Variants in MCPH1 observed in about 807,000 individuals in gnomAD.
MCPH1 encodes the protein microcephalin 1, also known as microcephalin.
MCPH1 carries 104 observed loss-of-function variants against 84.5 expected under a neutral mutation model. The observed-to-expected ratio is 1.23, with a 90% CI of 1.05 to 1.45. MCPH1 has a LOEUF of 1.45. Ranked by LOEUF, MCPH1 falls within the 40% of genes most tolerant of loss-of-function variation. The pLI is 0.00. For missense variants in MCPH1, 1,498 were observed against 1,005.7 expected (o/e 1.49, Z -6.62); for synonymous variants, 514 against 366.8 (o/e 1.40, Z -4.58).
At position 6,647,683 on chromosome 8, in the gene MCPH1, C is replaced by T. The variant is rs930124219; in HGVS notation, c.*4634C>T. On this transcript the variant is annotated 3_prime_UTR_variant, in exon 14 of 14. Coordinates refer to ENST00000344683, the MANE Select transcript of MCPH1 (RefSeq NM_024596.5). ...CAAAAGACTACAAATTGTAAGATTC[C>T]ATTTAGATACCATTTCTACAAACCG... 2 of 152,152 alleles carry T rather than the reference C, an allele frequency of 1.3e-5. No homozygotes were observed. The highest frequency in any genetic ancestry group is 6.5e-5 in the Admixed American group (1 of 15,276). 9.4% of individuals were successfully genotyped at this position (152,152 alleles called of 1,614,324 possible).
intron 12 of MCPH1, chr8:6,508,923 C>G: frequency 6.2e-7 from 1 of 1,614,096 alleles, no homozygotes. Context: ...GACAGAAAGT[C>G]ATCCCTACCT....
rs1212331797 is a variant in MCPH1 at position 6,625,429 on chromosome 8, A to G, written c.2452+3738A>G. ...CTCCCGTTCATTTCCATTATAACAAATGCTTCTCTGGACAATGTTTCATTC... is the reference window on the plus strand; with the variant it reads ...CTCCCGTTCATTTCCATTATAACAAGTGCTTCTCTGGACAATGTTTCATTC... On this transcript the variant is annotated intron_variant, in intron 13 of 13. Transcript: ENST00000344683. 5.1e-6 allele frequency: 5 copies of G among 985,298 alleles called. No individual in the cohort carries two copies. In the African/African-American group the frequency reaches 7.0e-5, roughly 14 times the overall value. The allele number at this position is 985,298 out of a possible 1,614,324, so 61.0% of individuals were successfully genotyped here.
At chr8:6,568,914 C>T (rs868243484) in intron 12 of MCPH1, among the ~76,000 whole-genome samples, 5 of 152,170 alleles carry the variant, frequency 3.3e-5, no homozygotes, top group South Asian at 2.1e-4. Context: ...TGAGGAACTT[C>T]CACGGCTGAA....
intron 12 of MCPH1, among the ~76,000 whole-genome samples, chr8:6,587,244 C>T (rs1162355880): frequency 6.6e-6 from 1 of 152,068 alleles, no homozygotes; most frequent in Non-Finnish European, 1.5e-5. Flanking sequence ...AAATACAGAG[C>T]CCTCTCTCTG....
intron 9 of MCPH1, among the ~76,000 whole-genome samples, chr8:6,465,924 G>GATGCATCCATCCATCCATCCATCC (rs368134296): frequency 9.0e-4 from 133 of 148,244 alleles, no homozygotes; most frequent in Admixed American, 1.9e-3. Flanking sequence ...TTTATCTATC[G>GATGCATCCATCCATCCATCCATCC]ATCCATCCAT....
intron 11 of MCPH1, among the ~76,000 whole-genome samples, chr8:6,493,651 G>A (rs978203103): frequency 1.3e-5 from 2 of 152,130 alleles, no homozygotes; most frequent in Non-Finnish European, 2.9e-5. Flanking sequence ...CTGGTTCAGT[G>A]GGTCTGGGTC....
intron 9 of MCPH1, among the ~76,000 whole-genome samples, chr8:6,459,445 A>G (rs924969816): frequency 2.0e-5 from 3 of 152,190 alleles, no homozygotes; most frequent in Non-Finnish European, 4.4e-5. Flanking sequence ...TTTATGTATA[A>G]GGACATATTA....
intron 12 of MCPH1, among the ~76,000 whole-genome samples, chr8:6,538,778 T>C (rs1450587060): frequency 6.6e-6 from 1 of 152,136 alleles, no homozygotes; most frequent in Non-Finnish European, 1.5e-5. Context: ...TGGTGAAGAG[T>C]GAACAGAATC....
At chr8:6,539,667 A>T (rs890204677) in intron 12 of MCPH1, among the ~76,000 whole-genome samples, 1 of 151,968 alleles carries the variant, frequency 6.6e-6, no homozygotes, top group Non-Finnish European at 1.5e-5. Flanking sequence ...GCTCACTGCA[A>T]CCTCTGCCTC....
rs191634476 is a variant in MCPH1 at position 6,626,133 on chromosome 8, T to C, written c.2452+4442T>C. ...TAAAAATTGTTAGTGATTATTTTAC[T>C]TGTAAGAATTTCTTTCGACCTCAGC... On this transcript the variant is annotated intron_variant, in intron 13 of 13. Transcript: ENST00000344683. The C allele has an allele frequency of 4.1e-5, 40 of 985,400 alleles. No homozygotes were observed. The African/African-American group carries it at 6.8e-4, about 17-fold the overall frequency. The allele number at this position is 985,400 out of a possible 1,614,324, so 61.0% of individuals were successfully genotyped here.
chr8:6,531,593 C>G (rs1201692793), intron 12 of MCPH1, among the ~76,000 whole-genome samples: 1 of 152,156 alleles, frequency 6.6e-6, no homozygotes, highest in Admixed American at 6.5e-5. Context: ...CGCCTGGCCA[C>G]TAGTTGACTA....
chr8:6,490,334 C>G (rs80105105), intron 11 of MCPH1, among the ~76,000 whole-genome samples: 2,196 of 152,294 alleles, frequency 0.014, 52 homozygotes, highest in African/African-American at 0.05. Flanking sequence ...TCTGTCACTT[C>G]AAAAACTGTC....
intron 8 of MCPH1, chr8:6,447,227 C>G (rs937033844): frequency 1.0e-6 from 1 of 985,314 alleles, no homozygotes; most frequent in African/African-American, 1.7e-5. Flanking sequence ...CCCCCTGGGA[C>G]TCAGGTGAAC....
In MCPH1 at chr8:6,409,303, G is replaced by T. The variant is rs1208397118; in HGVS notation, c.47G>T (p.Trp16Leu). 1 of 1,613,908 alleles carries T rather than the reference G, an allele frequency of 6.2e-7. No homozygotes were observed. Among genetic ancestry groups the T allele is most frequent in the Admixed American group, 1.7e-5 (1 of 60,012 alleles). Reference protein sequence around the residue: ...LKDVVAYVEVWSSNGTENYSK... With the variant: ...LKDVVAYVEVLSSNGTENYSK... ...GATGTAGTGGCCTATGTTGAAGTGT[G>T]GTCATCCAATGGAACAGAAAATTAT... The change falls in exon 2 of 14, where the codon TGG (tryptophan) becomes TTG (leucine). Residue 16 changes from tryptophan to leucine, a missense_variant. Coordinates refer to ENST00000344683, the MANE Select transcript of MCPH1 (RefSeq NM_024596.5).
At chr8:6,578,809 CGCA>C (rs1158132100) in intron 12 of MCPH1, among the ~76,000 whole-genome samples, 2 of 152,168 alleles carry the variant, frequency 1.3e-5, no homozygotes, top group African/African-American at 4.8e-5. Context: ...GGCTCAGACT[CGCA>C]CGTGGTTCTC....
chr8:6,493,441 G>A (rs989231732), intron 11 of MCPH1, among the ~76,000 whole-genome samples: 45 of 152,174 alleles, frequency 3.0e-4, no homozygotes, highest in African/African-American at 9.2e-4. Context: ...AGTCTCTATC[G>A]GTCAATGTCT....
chr8:6,641,859 A>G (rs940777413), intron 13 of MCPH1, among the ~76,000 whole-genome samples: 2 of 152,228 alleles, frequency 1.3e-5, no homozygotes, highest in South Asian at 2.1e-4. Context: ...GTTTTTAACT[A>G]TATCATTTCT....
intron 12 of MCPH1, among the ~76,000 whole-genome samples, chr8:6,555,709 C>T (rs772370355): frequency 3.3e-5 from 5 of 152,152 alleles, no homozygotes; most frequent in Admixed American, 2.6e-4. Context: ...GCGACCCACC[C>T]GCTTCGGCCT....
At chr8:6,489,605 C>G (rs961338394) in intron 11 of MCPH1, among the ~76,000 whole-genome samples, 6 of 152,188 alleles carry the variant, frequency 3.9e-5, no homozygotes, top group African/African-American at 7.2e-5. Flanking sequence ...GTGCGATTTG[C>G]TGAGTTAGGG....
Sources: gnomAD v4.1 joint callset for allele counts (sites outside exome capture counted in the v4.1 genomes callset) on GRCh38, gnomAD v4.1.1 for gene constraint, MANE v1.5 for transcripts, NCBI Gene and HGNC (gene_info 2026-07-23, HGNC 2026-07-21) for gene names.